The following SLC25A18 variants were observed in gnomAD, a reference collection of about 807,000 sequenced individuals.
The protein encoded by SLC25A18 is solute carrier family 25 member 18, also known as mitochondrial glutamate carrier 2.
A neutral mutation model predicts 31.1 loss-of-function variants in SLC25A18; 24 were observed. That is an observed-to-expected ratio of 0.77 (90% CI 0.56 to 1.08). SLC25A18 has a LOEUF of 1.08. Among genes scored for constraint, SLC25A18 ranks in the 50% least tolerant of loss-of-function variants. SLC25A18 has a pLI of 0.00. For missense variants in SLC25A18, 371 were observed against 418.5 expected (o/e 0.89, Z 0.99); for synonymous variants, 173 against 161.9 (o/e 1.07, Z -0.52).
rs142144766 is a variant in SLC25A18, at chr22:17,583,476, C to G, written c.351C>G (p.Val117=). The change falls in exon 7 of 11, where the codon GTC becomes GTG. Residue 117 remains valine, a synonymous_variant. Transcript: ENST00000327451. ...LAGCGAGMCQ[V]VVTCPMEMLK... is the part of the protein sequence containing the mutation. The stretch of plus-strand genomic sequence containing the variant: ...GGTGTGGGGCTGGGATGTGCCAGGT[C>G]GTGGTGACCTGTCCCATGGAAATGC... 9.5e-5 allele frequency: 154 copies of G among 1,614,030 alleles called. No homozygotes were observed. The African/African-American group carries it at 1.8e-3, about 19-fold the overall frequency.
At position 17,572,895 on chromosome 22, in the gene SLC25A18, C is replaced by T. The variant is rs1051913939; in HGVS notation, c.-201+2909C>T. ...TGACCTCGTGATCCGCCCGCCTCGGCCTCCCGAAGTGCTGGGATTACAGGC... is the reference window on the plus strand; with the variant it reads ...TGACCTCGTGATCCGCCCGCCTCGGTCTCCCGAAGTGCTGGGATTACAGGC... On this transcript the variant is annotated intron_variant, in intron 2 of 10. Transcript: ENST00000327451. Among the ~76,000 whole-genome samples the T allele has an allele frequency of 7.2e-4, 110 of 152,204 alleles. 1 individual carries two copies. Among genetic ancestry groups the T allele is most frequent in the African/African-American group, 2.3e-3 (95 of 41,494 alleles).
At chr22:17,575,866 CA>C (rs1260994083) in intron 2 of SLC25A18, among the ~76,000 whole-genome samples, 1 of 152,204 alleles carries the variant, frequency 6.6e-6, no homozygotes, top group Admixed American at 6.5e-5. Context: ...CACAGTGACA[CA>C]ATGTCATGGC....
intron 9 of SLC25A18, 23 bp from the exon 10 acceptor site, chr22:17,589,567 A>C (rs776323087): frequency 9.3e-6 from 15 of 1,611,604 alleles, no homozygotes; most frequent in Non-Finnish European, 1.2e-5. Context: ...TTCACTACTT[A>C]CTTTAACTTT....
At chr22:17,587,810 C>A in intron 8 of SLC25A18, 115 bp from the exon 9 acceptor site, 1 of 1,289,528 alleles carries the variant, frequency 7.8e-7, no homozygotes, top group Non-Finnish European at 1.1e-6. Flanking sequence ...AGGGATGAGT[C>A]CCCGTGGCTC....
Position 17,590,171 on chromosome 22 carries a change from T to C in SLC25A18, c.883T>C (p.Phe295Leu). Residue 295 changes from phenylalanine (F) to leucine (L), a missense_variant, in exon 11 of 11, where the codon TTT becomes CTT. By Grantham distance (22) the Phe-to-Leu change is conservative. Transcript: ENST00000327451. Reference protein sequence around the residue: ...GCRALVIAPLFGIAQGVYFIG... With the variant: ...GCRALVIAPLLGIAQGVYFIG... ...CCGGGCACTGGTCATAGCACCTCTC[T>C]TTGGGATTGCTCAAGGGGTCTATTT... 1 of 1,614,210 alleles carries C rather than the reference T, an allele frequency of 6.2e-7. No homozygotes were observed. Among genetic ancestry groups the C allele is most frequent in the Non-Finnish European group, 8.5e-7 (1 of 1,180,032 alleles).
chr22:17,581,582 G>A (rs2057375365), intron 5 of SLC25A18, 169 bp downstream of exon 5: 2 of 706,270 alleles, frequency 2.8e-6, no homozygotes, highest in South Asian at 1.9e-5. Flanking sequence ...CTGGGTCCTG[G>A]TAAGGCTTCC....
chr22:17,581,282 T>C, intron 4 of SLC25A18, 76 bp from the exon 5 acceptor site: 1 of 1,600,834 alleles, frequency 6.2e-7, no homozygotes, highest in Non-Finnish European at 8.5e-7. Context: ...AGCTGGGATG[T>C]GCCCGCGGGA....
chr22:17,576,948 C>T (rs1286326700), intron 2 of SLC25A18, among the ~76,000 whole-genome samples: 1 of 152,184 alleles, frequency 6.6e-6, no homozygotes, highest in African/African-American at 2.4e-5. Context: ...CAACCTCCGC[C>T]TCCTGGGTTC....
intron 2 of SLC25A18, among the ~76,000 whole-genome samples, chr22:17,573,582 G>A (rs12106649): frequency 0.017 from 2,592 of 152,244 alleles, 66 homozygotes; most frequent in African/African-American, 0.059. Flanking sequence ...CTGTCAAGCC[G>A]GTGTGCCTGC....
At position 17,584,797 on chromosome 22, in the gene SLC25A18, A is replaced by AG. The variant is rs1278223054; in HGVS notation, c.409+1263_409+1264insG. Among the ~76,000 whole-genome samples, 820 of 150,444 alleles carry AG rather than the reference A, an allele frequency of 5.5e-3. 11 individuals are homozygous for AG. Among genetic ancestry groups the AG allele is most frequent in the African/African-American group, 0.019 (783 of 40,498 alleles). On this transcript the variant is annotated intron_variant, in intron 7 of 10. Transcript: ENST00000327451. The stretch of plus-strand genomic sequence containing the variant: ...AATTCATCTCAAAAAAAAAAAAAAA[A>AG]AAAAAAAAAAAGAAATGCCAATGAC...
rs1340021905 is a variant in SLC25A18 at position 17,589,604 on chromosome 22, A to G, written c.745A>G (p.Ile249Val). ...VTPLDVLKTR[I>V]QTLKKGLGED... ...ACTTGATTTAGTTCTGAAAACTCGAATCCAAACCCTCAAGAAAGGCCTGGG... is the reference window on the plus strand; with the variant it reads ...ACTTGATTTAGTTCTGAAAACTCGAGTCCAAACCCTCAAGAAAGGCCTGGG... Residue 249 changes from isoleucine to valine, a missense_variant, in exon 10 of 11, where the codon ATC (isoleucine) becomes GTC (valine). Ile to Val is a conservative substitution (Grantham distance 29). Coordinates refer to ENST00000327451, the MANE Select transcript of SLC25A18 (RefSeq NM_031481.3). 15 of 1,613,988 alleles carry G rather than the reference A, an allele frequency of 9.3e-6. No homozygotes were observed. Among genetic ancestry groups the G allele is most frequent in the Non-Finnish European group, 1.2e-5 (14 of 1,179,994 alleles).
rs1569190670 is a variant in SLC25A18, at chr22:17,584,454, A to AAG, written c.409+920_409+921insAG. On this transcript the variant is annotated intron_variant, in intron 7 of 10. Transcript: ENST00000327451. The stretch of plus-strand genomic sequence containing the variant: ...AGGAAGGAAGGAAGGAAGGAGAGAG[A>AAG]GAGAGAGAGAGAGAGAGAAAGAAAG... 7.5e-5 allele frequency among the ~76,000 whole-genome samples: 10 copies of AAG among 133,462 alleles called. No homozygotes were observed. In the East Asian group the frequency reaches 1.5e-3, roughly 20 times the overall value. The allele number at this position is 133,462 out of a possible 152,430, so 87.6% of individuals were successfully genotyped here.
intron 7 of SLC25A18, among the ~76,000 whole-genome samples, chr22:17,584,720 C>CAGTG (rs907200547): frequency 5.9e-4 from 74 of 125,310 alleles, no homozygotes; most frequent in African/African-American, 2.2e-3. Context: ...GCAGAGGTTG[C>CAGTG]AGTGAGCTGA....
chr22:17,588,827 T>C (rs925862167), intron 9 of SLC25A18: 3 of 151,710 alleles, frequency 2.0e-5, no homozygotes, highest in African/African-American at 7.3e-5. Flanking sequence ...TCCCGAAACT[T>C]TGGGAGACCG....
chr22:17,586,652 G>T (rs939224530), intron 7 of SLC25A18, among the ~76,000 whole-genome samples: 2 of 152,202 alleles, frequency 1.3e-5, no homozygotes, highest in African/African-American at 4.8e-5. Context: ...TGGTGCATGT[G>T]CCTATAACCC....
In SLC25A18 at chr22:17,582,651, TG is replaced by T. The variant is rs1359835958; in HGVS notation, c.290+1del. 10 of 1,600,436 alleles carry T rather than the reference TG, an allele frequency of 6.2e-6. No homozygotes were observed. Among genetic ancestry groups the T allele is most frequent in the Non-Finnish European group, 8.5e-6 (10 of 1,172,912 alleles). Reference sequence around the variant, plus strand: ...TTTTCCGGCGGCTGCTCATGGAAGATGGGTATGGCCAGGTGGGGTGGGGTTG... The same window carrying T: ...TTTTCCGGCGGCTGCTCATGGAAGATGGTATGGCCAGGTGGGGTGGGGTTG... ...DFFRRLLMED[G>X]MQRNLKMEML... is the part of the protein sequence containing the mutation. On this transcript the variant is annotated frameshift_variant and splice_region_variant, in exon 6 of 11. Coordinates refer to ENST00000327451, the MANE Select transcript of SLC25A18 (RefSeq NM_031481.3). LOFTEE classifies it high-confidence loss of function.
At chr22:17,572,302 G>A (rs1200161556) in intron 2 of SLC25A18, among the ~76,000 whole-genome samples, 1 of 151,872 alleles carries the variant, frequency 6.6e-6, no homozygotes, top group Non-Finnish European at 1.5e-5. Context: ...TGACCAACAT[G>A]GAGAAACCAC....
At position 17,582,530 on chromosome 22, in the gene SLC25A18, G is replaced by T. The variant is rs2057407818; in HGVS notation, c.200-33G>T. 3 of 1,541,034 alleles carry T rather than the reference G, an allele frequency of 1.9e-6. No homozygotes were observed. The South Asian group carries it at 3.6e-5, about 18-fold the overall frequency. The stretch of plus-strand genomic sequence containing the variant: ...CTGGGGCACTGTTATTTCTGGGATG[G>T]CCTTGACTCCCCATCTTGTCCTTCA... On this transcript the variant is annotated intron_variant, in intron 5 of 10. Transcript: ENST00000327451.
rs369521338 is a variant in SLC25A18 at position 17,572,346 on chromosome 22, ATGCTGGC to A, written c.-201+2361_-201+2367del. The stretch of plus-strand genomic sequence containing the variant: ...TAAAAATACAGAAATATAGGTGGGC[ATGCTGGC>A]GCATGCCTGTAATCTCAGCTACTCA... On this transcript the variant is annotated intron_variant, in intron 2 of 10. Transcript: ENST00000327451. Among the ~76,000 whole-genome samples, 686 of 149,346 alleles carry A rather than the reference ATGCTGGC, an allele frequency of 4.6e-3. 4 individuals are homozygous for A. The highest frequency in any genetic ancestry group is 0.016 in the African/African-American group (645 of 40,430).
Sources: allele counts gnomAD v4.1 joint callset (sites outside exome capture counted in the v4.1 genomes callset), GRCh38; gene constraint gnomAD v4.1.1; transcripts MANE v1.5; gene names NCBI Gene and HGNC (gene_info 2026-07-23, HGNC 2026-07-21).